CILK1: variants seen among roughly 807,000 people sequenced by gnomAD.
The protein encoded by CILK1 is ciliogenesis associated kinase 1, also known as serine/threonine-protein kinase ICK.
CILK1 carries 47 observed loss-of-function variants against 79.2 expected under a neutral mutation model. The observed-to-expected ratio is 0.59, with a 90% CI of 0.47 to 0.76. The LOEUF is 0.76. CILK1 is among the 30% of genes least tolerant of loss of function. The pLI is 0.00. For synonymous variants in CILK1, 266 were observed against 275.9 expected (o/e 0.96, Z 0.36); for missense variants, 660 against 769.5 (o/e 0.86, Z 1.68).
rs369034938 is a variant in CILK1, at chr6:53,009,522, A to G, written c.1538T>C (p.Phe513Ser). The G allele has an allele frequency of 5.5e-5, 89 of 1,612,144 alleles. No individual in the cohort carries two copies. The highest frequency in any genetic ancestry group is 7.1e-5 in the Non-Finnish European group (84 of 1,178,268). ...ACTAGACCATGGATTAGGTGGAATA[A>G]ATTCCTTGCCTGGATTCGAGAGTAT... The part of the protein sequence containing the change: ...NGILSNPGKE[F>S]IPPNPWSSSG... The change falls in exon 12 of 14, where the codon TTT becomes TCT. Residue 513 changes from phenylalanine to serine, a missense_variant. By Grantham distance (155) the Phe-to-Ser change is radical. Coordinates refer to ENST00000676107, the MANE Select transcript of CILK1 (RefSeq NM_014920.5).
Position 53,011,773 on chromosome 6 carries a change from C to A in CILK1, c.1488G>T (p.Leu496Phe). Residue 496 changes from leucine to phenylalanine, a missense_variant, in exon 11 of 14, where the codon TTG becomes TTT. Physicochemically the swap from Leu to Phe is conservative, Grantham distance 22. Transcript: ENST00000676107. The stretch of plus-strand genomic sequence containing the variant: ...AAGCCAAGTCATTTATATTACCAGG[C>A]AAGTATCGAGAGTGCTTCAAATAGT... ...KQHYLKHSRY[L>F]PGISIRNGIL... 1 of 1,613,936 alleles carries A rather than the reference C, an allele frequency of 6.2e-7. No homozygotes were observed. The highest frequency in any genetic ancestry group is 8.5e-7 in the Non-Finnish European group (1 of 1,179,840).
At chr6:53,037,264 G>A (rs1766403817) in intron 3 of CILK1, among the ~76,000 whole-genome samples, 1 of 152,020 alleles carries the variant, frequency 6.6e-6, no homozygotes, top group African/African-American at 2.4e-5. Flanking sequence ...TAGAAGAAGG[G>A]GCAGGGGGAA....
intron 1 of CILK1, chr6:53,061,043 T>G (rs1768405751): frequency 6.6e-6 from 1 of 152,240 alleles, no homozygotes; most frequent in African/African-American, 2.4e-5. Flanking sequence ...AGGAATACTC[T>G]TCTCTGCAGA....
rs201290677 is a variant in CILK1 at position 53,012,168 on chromosome 6, C to T, written c.1212G>A (p.Arg404=). ...NGEIKPKSRR[R]WGLISRSTKD... ...TTGTTGACCTGGAAATAAGACCCCA[C>T]CTTCTCCTACTCTTTGGCTTTATCT... Residue 404 remains arginine (R), a synonymous_variant, in exon 10 of 14, where the codon AGG becomes AGA. Transcript: ENST00000676107. 3.1e-6 allele frequency: 5 copies of T among 1,614,186 alleles called. No individual in the cohort carries two copies. Among genetic ancestry groups the T allele is most frequent in the Admixed American group, 1.7e-5 (1 of 60,024 alleles).
intron 12 of CILK1, 135 bp from the exon 13 acceptor site, chr6:53,006,572 A>T: frequency 2.0e-6 from 2 of 984,178 alleles, no homozygotes; most frequent in Non-Finnish European, 3.1e-6. Flanking sequence ...CATGATAAAA[A>T]TGAGTTCAGA....
At chr6:53,044,210 T>A (rs1452236707) in intron 1 of CILK1, among the ~76,000 whole-genome samples, 1 of 151,992 alleles carries the variant, frequency 6.6e-6, no homozygotes, top group East Asian at 1.9e-4. Context: ...AGGAGAGCAG[T>A]GGGTGAGTGA....
intron 1 of CILK1, among the ~76,000 whole-genome samples, chr6:53,059,468 T>C (rs533785928): frequency 4.5e-4 from 69 of 152,080 alleles, no homozygotes; most frequent in African/African-American, 1.7e-3. Context: ...TCTTGAGAAA[T>C]AGAAAGAGGA....
At chr6:53,053,342 T>C (rs554513833) in intron 1 of CILK1, among the ~76,000 whole-genome samples, 30 of 152,090 alleles carry the variant, frequency 2.0e-4, no homozygotes, top group Non-Finnish European at 3.8e-4. Context: ...AGAATTAACT[T>C]GGATAAATCA....
chr6:53,042,578 G>A lies in CILK1; in HGVS notation c.-172-1170C>T, dbSNP rs563056655. 2.0e-5 allele frequency among the ~76,000 whole-genome samples: 3 copies of A among 152,290 alleles called. No homozygotes were observed. In the South Asian group the frequency reaches 6.2e-4, roughly 32 times the overall value. On this transcript the variant is annotated intron_variant, in intron 1 of 13. Transcript: ENST00000676107. The stretch of plus-strand genomic sequence containing the variant: ...AATTCAAGGCCTATGTGCAGGGTAT[G>A]CTCCTTTTAAAGTCATTCAGTTTGT...
chr6:53,055,653 C>T (rs1767802749), intron 1 of CILK1, among the ~76,000 whole-genome samples: 1 of 152,198 alleles, frequency 6.6e-6, no homozygotes, highest in Non-Finnish European at 1.5e-5. Flanking sequence ...CTCTTTCAAT[C>T]CCAGCTTCTG....
At chr6:53,028,006 G>C (rs1765686388) in intron 5 of CILK1, among the ~76,000 whole-genome samples, 1 of 152,206 alleles carries the variant, frequency 6.6e-6, no homozygotes, top group South Asian at 2.1e-4. Flanking sequence ...AATTAGCCGG[G>C]TGTGGTGGCA....
rs975490736 is a variant in CILK1, at chr6:53,029,437, A to G, written c.358+1628T>C. Among the ~76,000 whole-genome samples the G allele has an allele frequency of 4.5e-4, 68 of 152,252 alleles. 2 individuals carry two copies. The highest frequency in any genetic ancestry group is 2.9e-5 in the Non-Finnish European group (2 of 68,042). Reference sequence around the variant, plus strand: ...TTCACAATTTGACTCAGTCTTGCATAGTACATGCTGATTACTCAGTATGTG... The same window carrying G: ...TTCACAATTTGACTCAGTCTTGCATGGTACATGCTGATTACTCAGTATGTG... On this transcript the variant is annotated intron_variant, in intron 5 of 13. Coordinates refer to ENST00000676107, the MANE Select transcript of CILK1 (RefSeq NM_014920.5).
chr6:53,050,465 T>C (rs1432596880), intron 1 of CILK1, among the ~76,000 whole-genome samples: 2 of 151,288 alleles, frequency 1.3e-5, no homozygotes, highest in African/African-American at 2.4e-5. Flanking sequence ...CACATACATA[T>C]AATATTCATA....
intron 5 of CILK1, among the ~76,000 whole-genome samples, chr6:53,029,494 A>G (rs1765787757): frequency 6.6e-6 from 1 of 152,212 alleles, no homozygotes; most frequent in Non-Finnish European, 1.5e-5. Flanking sequence ...CAGATAGCCT[A>G]GGTTTGTCTG....
chr6:53,032,369 T>C (rs1414433970), intron 4 of CILK1, among the ~76,000 whole-genome samples, 164 bp downstream of exon 4: 1 of 151,152 alleles, frequency 6.6e-6, no homozygotes, highest in Admixed American at 6.6e-5. Context: ...CTACACATTG[T>C]GCACATGTAC....
chr6:53,006,198 G>A, intron 13 of CILK1, 117 bp downstream of exon 13: 1 of 921,150 alleles, frequency 1.1e-6, no homozygotes, highest in Non-Finnish European at 1.7e-6. Context: ...CTTATTGTCT[G>A]TAGAGTGCAA....
At chr6:53,006,474 A>T in intron 12 of CILK1, 37 bp from the exon 13 acceptor site, 2 of 1,608,812 alleles carry the variant, frequency 1.2e-6, no homozygotes, top group Non-Finnish European at 1.7e-6. Flanking sequence ...TATTACAAAG[A>T]CATGTACCCA....
At chr6:53,050,421 TTG>T (rs538760776) in intron 1 of CILK1, among the ~76,000 whole-genome samples, 8 of 150,882 alleles carry the variant, frequency 5.3e-5, no homozygotes, top group Admixed American at 6.6e-5. Context: ...TTACTTGCAT[TTG>T]TGTGTGTGTG....
At chr6:53,006,913 A>C (rs149061411) in intron 12 of CILK1, among the ~76,000 whole-genome samples, 270 of 152,326 alleles carry the variant, frequency 1.8e-3, no homozygotes, top group African/African-American at 6.2e-3. Flanking sequence ...AAGTAATTAC[A>C]CACTAAATAT....
Sources: gnomAD v4.1 joint callset for allele counts (sites outside exome capture counted in the v4.1 genomes callset) on GRCh38, gnomAD v4.1.1 for gene constraint, MANE v1.5 for transcripts, NCBI Gene and HGNC (gene_info 2026-07-23, HGNC 2026-07-21) for gene names.